Variants in PALLD observed in about 807,000 individuals in gnomAD.
PALLD encodes palladin, cytoskeletal associated protein, also known as palladin.
A neutral mutation model predicts 123.5 loss-of-function variants in PALLD; 61 were observed. The observed-to-expected ratio is 0.49, with a 90% CI of 0.40 to 0.61. PALLD has a LOEUF of 0.61. Ranked by LOEUF, PALLD falls within the 20% of genes least tolerant of loss-of-function variation. The pLI, the probability that PALLD is intolerant of heterozygous loss-of-function variation, is 0.00. For synonymous variants in PALLD, 465 were observed against 496.4 expected, an observed-to-expected ratio of 0.94 and a Z score of 0.84; for missense variants, 1,273 against 1,377.0, an observed-to-expected ratio of 0.92 and a Z score of 1.20.
chr4:168,696,799 A>C (rs1783169340), intron 8 of PALLD, among the ~76,000 whole-genome samples: 2 of 152,230 alleles, frequency 1.3e-5, no homozygotes, highest in Non-Finnish European at 2.9e-5. Context: ...ATGACGAAGA[A>C]GGGATGTAAG....
chr4:168,706,509 A>G lies in PALLD; in HGVS notation c.1502-2519A>G, dbSNP rs549378601. 1.1e-4 allele frequency among the ~76,000 whole-genome samples: 16 copies of G among 152,352 alleles called. No individual in the cohort carries two copies. The East Asian group carries it at 1.9e-3, about 18-fold the overall frequency. ...TACAATGCTAAACTCTCAGAAGCTT[A>G]TAATCACCGTAGTCCTCAGATCTTT... On this transcript the variant is annotated intron_variant, in intron 8 of 21. Transcript: ENST00000505667.
chr4:168,602,842 T>G (rs1406322279), intron 2 of PALLD, among the ~76,000 whole-genome samples: 2 of 152,028 alleles, frequency 1.3e-5, no homozygotes, highest in Non-Finnish European at 2.9e-5. Flanking sequence ...CATGGCTCAC[T>G]GCAGCCTCGA....
chr4:168,692,205 T>C (rs1219969067), intron 8 of PALLD, among the ~76,000 whole-genome samples: 5 of 152,200 alleles, frequency 3.3e-5, no homozygotes, highest in Non-Finnish European at 7.3e-5. Context: ...CCACTGCAGG[T>C]CAGATTACTG....
intron 2 of PALLD, among the ~76,000 whole-genome samples, chr4:168,623,235 A>G (rs913648526): frequency 1.2e-4 from 19 of 152,348 alleles, no homozygotes; most frequent in Non-Finnish European, 2.8e-4. Flanking sequence ...CAAAGAGATC[A>G]CATGTCAGGC....
intron 10 of PALLD, among the ~76,000 whole-genome samples, chr4:168,821,677 A>T (rs1581640334): frequency 6.6e-6 from 1 of 151,950 alleles, no homozygotes; most frequent in Non-Finnish European, 1.5e-5. Flanking sequence ...GGAGTTCGAG[A>T]CCAGCCTGGC....
chr4:168,632,044 G>A (rs558758378), intron 2 of PALLD: 45 of 427,028 alleles, frequency 1.1e-4, no homozygotes, highest in Admixed American at 3.2e-4. Context: ...GTTCCGCCAC[G>A]GTTTTCCTAA....
chr4:168,524,979 T>G (rs2149465022), intron 2 of PALLD, among the ~76,000 whole-genome samples: 1 of 152,256 alleles, frequency 6.6e-6, no homozygotes, highest in East Asian at 1.9e-4. Context: ...CTTTCTTTTA[T>G]AAACAGAACA....
chr4:168,786,826 T>G lies in PALLD; in HGVS notation c.1964+74903T>G, dbSNP rs190119027. On this transcript the variant is annotated intron_variant, in intron 10 of 21. Transcript: ENST00000505667. ...GGATAGAAAATTATAACACTGTTATTAATTAAAATTGTTATACAAAATTTG... is the reference window on the plus strand; with the variant it reads ...GGATAGAAAATTATAACACTGTTATGAATTAAAATTGTTATACAAAATTTG... Among the ~76,000 whole-genome samples the G allele has an allele frequency of 1.7e-3, 256 of 152,054 alleles. 4 individuals are homozygous for G. The highest frequency in any genetic ancestry group is 5.7e-3 in the African/African-American group (238 of 41,592).
intron 3 of PALLD, among the ~76,000 whole-genome samples, chr4:168,679,373 TGG>T (rs1223504993): frequency 1.0e-5 from 1 of 98,596 alleles, no homozygotes; most frequent in African/African-American, 4.3e-5. Context: ...TGGATGTGTG[TGG>T]GTGTGTGTGT....
chr4:168,882,059 A>C (rs1188420906), intron 10 of PALLD, among the ~76,000 whole-genome samples: 1 of 152,226 alleles, frequency 6.6e-6, no homozygotes, highest in African/African-American at 2.4e-5. Flanking sequence ...GTATGCTCTT[A>C]ACTACCTCTT....
At chr4:168,750,388 T>C (rs1730902900) in intron 10 of PALLD, among the ~76,000 whole-genome samples, 1 of 152,218 alleles carries the variant, frequency 6.6e-6, no homozygotes. Flanking sequence ...TAGTATCTCA[T>C]GGTGTGTATG....
chr4:168,505,291 C>T (rs1413073146), intron 1 of PALLD, among the ~76,000 whole-genome samples: 1 of 152,222 alleles, frequency 6.6e-6, no homozygotes, highest in Non-Finnish European at 1.5e-5. Flanking sequence ...CTACTGGATC[C>T]TGTCAGATGG....
chr4:168,711,249 A>G (rs530721586), intron 9 of PALLD, among the ~76,000 whole-genome samples: 5 of 152,346 alleles, frequency 3.3e-5, no homozygotes, highest in Non-Finnish European at 7.3e-5. Flanking sequence ...ACGTGAGAGG[A>G]CAAAGCATTG....
intron 10 of PALLD, among the ~76,000 whole-genome samples, chr4:168,802,340 G>T (rs1309156634): frequency 6.6e-6 from 1 of 152,132 alleles, no homozygotes; most frequent in Non-Finnish European, 1.5e-5. Context: ...ACTGAAAATT[G>T]TCCCAGGATT....
chr4:168,921,840 A>T, intron 18 of PALLD, 99 bp downstream of exon 18: 1 of 946,314 alleles, frequency 1.1e-6, no homozygotes, highest in South Asian at 1.4e-5. Context: ...AAAATAAAGT[A>T]TTGAAAAAAT....
At chr4:168,841,295 G>A (rs994294412) in intron 10 of PALLD, among the ~76,000 whole-genome samples, 8 of 152,186 alleles carry the variant, frequency 5.3e-5, no homozygotes, top group South Asian at 4.1e-4. Context: ...CTTACCACTT[G>A]AAAATGTGCA....
At chr4:168,758,523 A>G (rs1412097826) in intron 10 of PALLD, among the ~76,000 whole-genome samples, 1 of 152,154 alleles carries the variant, frequency 6.6e-6, no homozygotes, top group Non-Finnish European at 1.5e-5. Flanking sequence ...TCAGGCGTGT[A>G]GGTTCTTCAG....
intron 18 of PALLD, 61 bp downstream of exon 18, chr4:168,921,802 ACTAATT>A (rs1367117105): frequency 7.1e-5 from 91 of 1,273,788 alleles, no homozygotes; most frequent in Non-Finnish European, 1.0e-4. Flanking sequence ...ACAAATGTAA[ACTAATT>A]CTACATTACT....
intron 2 of PALLD, among the ~76,000 whole-genome samples, chr4:168,604,148 T>C (rs1772940065): frequency 6.6e-6 from 1 of 152,160 alleles, no homozygotes; most frequent in Admixed American, 6.5e-5. Flanking sequence ...TAAACAGGCC[T>C]GACAAATTCT....
Sources: gnomAD v4.1 joint callset for allele counts (sites outside exome capture counted in the v4.1 genomes callset) on GRCh38, gnomAD v4.1.1 for gene constraint, MANE v1.5 for transcripts, NCBI Gene and HGNC (gene_info 2026-07-23, HGNC 2026-07-21) for gene names.